RBM33: variants seen among roughly 807,000 people sequenced by gnomAD.
RBM33 encodes the protein RNA binding motif protein 33.
RBM33 carries 28 observed loss-of-function variants against 132.6 expected under a neutral mutation model. The ratio of observed to expected loss-of-function variants is 0.21; its 90% CI spans 0.16 to 0.29. The LOEUF is 0.29. Ranked by LOEUF, RBM33 falls within the 10% of genes least tolerant of loss-of-function variation. The probability of loss-of-function intolerance (pLI) is 1.00; values close to 1 mark genes in which losing one functional copy is unlikely to be tolerated. For synonymous variants in RBM33, 634 were observed against 593.0 expected (o/e 1.07, Z -1.01); for missense variants, 1,291 against 1,518.5 (o/e 0.85, Z 2.49).
intron 6 of RBM33, 54 bp from the exon 7 acceptor site, chr7:155,706,806 C>A: frequency 5.0e-6 from 7 of 1,397,760 alleles, no homozygotes; most frequent in Non-Finnish European, 6.9e-6. Context: ...TCTCCCTAGA[C>A]CTCCAGTTTG....
At chr7:155,688,330 T>C (rs1055172313) in intron 5 of RBM33, among the ~76,000 whole-genome samples, 2 of 152,236 alleles carry the variant, frequency 1.3e-5, no homozygotes, top group African/African-American at 4.8e-5. Context: ...TGATTTTGTA[T>C]CCTAAGACTT....
intron 5 of RBM33, among the ~76,000 whole-genome samples, chr7:155,691,335 T>C (rs1799634346): frequency 6.6e-6 from 1 of 152,204 alleles, no homozygotes; most frequent in Non-Finnish European, 1.5e-5. Flanking sequence ...ATTTAAGGAC[T>C]TCTCTACACT....
intron 9 of RBM33, among the ~76,000 whole-genome samples, chr7:155,720,959 A>G (rs1454110184): frequency 1.3e-5 from 2 of 152,234 alleles, no homozygotes; most frequent in South Asian, 4.1e-4. Context: ...TGTTTGAGTC[A>G]GTGTGCTTCT....
chr7:155,711,507 G>A, intron 8 of RBM33, 52 bp downstream of exon 8: 3 of 1,227,448 alleles, frequency 2.4e-6, no homozygotes, highest in Non-Finnish European at 3.2e-6. Context: ...AGCTTCCAAT[G>A]GTTTGACTTA....
At position 155,719,856 on chromosome 7, in the gene RBM33, T is replaced by TA. The variant is rs565399462; in HGVS notation, c.1260+1414dup. Among the ~76,000 whole-genome samples, 163 of 152,352 alleles carry TA rather than the reference T, an allele frequency of 1.1e-3. 1 individual carries two copies. The highest frequency in any genetic ancestry group is 3.8e-3 in the African/African-American group (157 of 41,592). On this transcript the variant is annotated intron_variant, in intron 9 of 17. Coordinates refer to ENST00000401878, the MANE Select transcript of RBM33 (RefSeq NM_053043.3). Reference sequence around the variant, plus strand: ...ATGTGAAAAGCATTTGCAGTTAAGATATAAACCTAAAGCAATGTAATTTAT... The same window carrying TA: ...ATGTGAAAAGCATTTGCAGTTAAGATAATAAACCTAAAGCAATGTAATTTAT...
chr7:155,734,645 A>G (rs1306736217), intron 9 of RBM33, among the ~76,000 whole-genome samples: 2 of 152,054 alleles, frequency 1.3e-5, no homozygotes, highest in African/African-American at 4.8e-5. Context: ...CTTCTAATGA[A>G]TCTTACTGGT....
intron 3 of RBM33, among the ~76,000 whole-genome samples, chr7:155,673,402 TTGTGTGTGTGTG>T (rs200441063): frequency 0.012 from 549 of 45,152 alleles, 5 homozygotes; most frequent in African/African-American, 0.073. Context: ...TTTATATATA[TTGTGTGTGTGTG>T]TGTGTGTGTG....
intron 1 of RBM33, among the ~76,000 whole-genome samples, chr7:155,663,053 T>G (rs1798699151): frequency 2.6e-5 from 4 of 152,222 alleles, no homozygotes; most frequent in African/African-American, 9.6e-5. Flanking sequence ...AGAATTATTC[T>G]TAGAGACTTT....
chr7:155,725,261 T>C lies in RBM33; in HGVS notation c.1260+6818T>C, dbSNP rs560015311. On this transcript the variant is annotated intron_variant, in intron 9 of 17. Coordinates refer to ENST00000401878, the MANE Select transcript of RBM33 (RefSeq NM_053043.3). ...TACGGTATTCATAGAGCATATATGG[T>C]TGAAAATCAGTAATGAATAAAAAAA... Among the ~76,000 whole-genome samples the C allele has an allele frequency of 7.4e-5, 11 of 148,416 alleles. No homozygotes were observed. The East Asian group carries it at 2.2e-3, about 29-fold the overall frequency.
intron 12 of RBM33, among the ~76,000 whole-genome samples, chr7:155,740,469 C>G (rs1801295682): frequency 6.6e-6 from 1 of 152,174 alleles, no homozygotes; most frequent in Non-Finnish European, 1.5e-5. Flanking sequence ...GTTCTGTTGC[C>G]AGGTGCTACT....
chr7:155,652,284 G>A (rs1035896439), intron 1 of RBM33, among the ~76,000 whole-genome samples: 1 of 152,298 alleles, frequency 6.6e-6, no homozygotes, highest in Middle Eastern at 3.4e-3. Flanking sequence ...AGTTTTGTTG[G>A]AAGTGCTGAA....
chr7:155,663,454 G>T (rs987305463), intron 1 of RBM33, among the ~76,000 whole-genome samples: 4 of 152,042 alleles, frequency 2.6e-5, no homozygotes, highest in African/African-American at 9.6e-5. Flanking sequence ...AAAAGAAGGA[G>T]CAAGAGGGTG....
Position 155,693,264 on chromosome 7 carries a change from G to A in RBM33, c.568-7509G>A, listed in dbSNP as rs192098990. On this transcript the variant is annotated intron_variant, in intron 5 of 17. Coordinates refer to ENST00000401878, the MANE Select transcript of RBM33 (RefSeq NM_053043.3). ...ACAGGGAAACATAAGGTGGTTAAAC[G>A]CCGACCCTTGAATTTGGAAGGCAAA... 1.6e-3 allele frequency among the ~76,000 whole-genome samples: 239 copies of A among 151,824 alleles called. 5 individuals carry two copies. The highest frequency in any genetic ancestry group is 5.0e-3 in the African/African-American group (206 of 41,392).
chr7:155,702,452 G>A (rs537358317), intron 6 of RBM33, among the ~76,000 whole-genome samples: 20 of 152,306 alleles, frequency 1.3e-4, no homozygotes, highest in Non-Finnish European at 2.6e-4. Context: ...TGCCAGTTGA[G>A]CTGAAGCAGA....
intron 2 of RBM33, among the ~76,000 whole-genome samples, chr7:155,669,817 C>T (rs1798897539): frequency 6.6e-6 from 1 of 152,082 alleles, no homozygotes; most frequent in Admixed American, 6.6e-5. Context: ...ATACTGTAGT[C>T]TCTATTTCTT....
intron 1 of RBM33, among the ~76,000 whole-genome samples, chr7:155,652,906 A>T (rs73165196): frequency 0.027 from 4,151 of 152,286 alleles, 71 homozygotes; most frequent in Middle Eastern, 0.037. Flanking sequence ...GAAATGACTC[A>T]GAATATATTA....
intron 16 of RBM33, among the ~76,000 whole-genome samples, chr7:155,769,565 C>T (rs569411913): frequency 1.3e-5 from 2 of 152,042 alleles, no homozygotes; most frequent in East Asian, 3.9e-4. Flanking sequence ...CTTTGCAGAG[C>T]GGATCTCAGC....
intron 2 of RBM33, among the ~76,000 whole-genome samples, chr7:155,669,981 A>T (rs1200791434): frequency 6.6e-6 from 1 of 152,190 alleles, no homozygotes; most frequent in Non-Finnish European, 1.5e-5. Flanking sequence ...CAGGCAGGTA[A>T]GACGGAGAGT....
In RBM33 at chr7:155,745,490, C is replaced by T. The variant is rs374099614; in HGVS notation, c.2867C>T (p.Pro956Leu). Reference sequence around the variant, plus strand: ...CGAGTGGCGTCCATCCAGGGCCGGCCCCAGGACACAAAGCCTGGCGTGAAA... The same window carrying T: ...CGAGTGGCGTCCATCCAGGGCCGGCTCCAGGACACAAAGCCTGGCGTGAAA... ...TPRVASIQGR[P>L]QDTKPGVKRT... is the part of the protein sequence containing the mutation. The change falls in exon 14 of 18, where the codon CCC becomes CTC. Residue 956 changes from proline (P) to leucine (L), a missense_variant. This residue lies in a region of RBM33 where 841 missense variants were observed against 912.0 expected (regional missense o/e 0.92). Coordinates refer to ENST00000401878, the MANE Select transcript of RBM33 (RefSeq NM_053043.3). The surrounding 1 kb of genome is among the most constrained non-coding windows in gnomAD (Gnocchi z 4.1). The T allele has an allele frequency of 3.1e-6, 5 of 1,613,480 alleles. No individual in the cohort carries two copies. In the African/African-American group the frequency reaches 6.7e-5, roughly 22 times the overall value.
Sources: allele counts gnomAD v4.1 joint callset (sites outside exome capture counted in the v4.1 genomes callset), GRCh38; gene constraint gnomAD v4.1.1; regional missense constraint gnomAD v4.1.1; non-coding constraint Gnocchi (gnomAD v3.1); transcripts MANE v1.5; gene names NCBI Gene and HGNC (gene_info 2026-07-23, HGNC 2026-07-21).